KAZN: variants seen among roughly 807,000 people sequenced by gnomAD.
The protein encoded by KAZN is kazrin, periplakin interacting protein, also known as kazrin.
A neutral mutation model predicts 87.4 loss-of-function variants in KAZN; 40 were observed. The observed-to-expected ratio is 0.46, with a 90% confidence interval of 0.36 to 0.60. The LOEUF (loss-of-function observed/expected upper bound fraction) is 0.60. Ranked by LOEUF, KAZN falls within the 20% of genes least tolerant of loss-of-function variation. The pLI, the probability that KAZN is intolerant of heterozygous loss-of-function variation, is 0.00. For synonymous variants in KAZN, 466 were observed against 458.3 expected, an observed-to-expected ratio of 1.02 and a Z score of -0.22; for missense variants, 898 against 1,073.9, an observed-to-expected ratio of 0.84 and a Z score of 2.29.
At chr1:14,838,629 A>G (rs1000527435) in intron 1 of KAZN, among the ~76,000 whole-genome samples, 6 of 151,874 alleles carry the variant, frequency 4.0e-5, no homozygotes, top group Non-Finnish European at 7.4e-5. Flanking sequence ...TTTGTTTGTG[A>G]GGGGAAGGGG....
At chr1:14,738,118 C>T (rs577602940) in intron 1 of KAZN, among the ~76,000 whole-genome samples, 1 of 152,236 alleles carries the variant, frequency 6.6e-6, no homozygotes, top group South Asian at 2.1e-4. Context: ...AGGGGCTACC[C>T]TTTCTCCCTT....
intron 13 of KAZN, among the ~76,000 whole-genome samples, chr1:15,108,927 G>A (rs893003162): frequency 1.3e-5 from 2 of 152,164 alleles, no homozygotes; most frequent in Admixed American, 6.5e-5. Context: ...TTATGCCCTG[G>A]AGTTTTCGTG....
chr1:14,215,216 T>A (rs1646934909), intron 2 of KAZN, among the ~76,000 whole-genome samples: 1 of 152,248 alleles, frequency 6.6e-6, no homozygotes, highest in East Asian at 1.9e-4. Flanking sequence ...TTTTCTGTGT[T>A]TGACACCAAT....
Position 14,438,973 on chromosome 1 carries a change from G to A in KAZN, c.250-160010G>A, listed in dbSNP as rs191638870. Among the ~76,000 whole-genome samples the A allele has an allele frequency of 6.6e-5, 10 of 152,228 alleles. 1 individual carries two copies. Among genetic ancestry groups the A allele is most frequent in the African/African-American group, 2.4e-4 (10 of 41,526 alleles). Reference sequence around the variant, plus strand: ...CCTTAGCAAATTCACCCAGTCTTGGGTATTTATTGCGTCTCCATTCTAACA... The same window carrying A: ...CCTTAGCAAATTCACCCAGTCTTGGATATTTATTGCGTCTCCATTCTAACA... On this transcript the variant is annotated intron_variant, in intron 2 of 16. Transcript: ENST00000636203.
At chr1:15,043,927 C>T (rs572019915) in intron 3 of KAZN, 62 bp from the exon 4 acceptor site, 1 of 1,507,624 alleles carries the variant, frequency 6.6e-7, no homozygotes, top group Non-Finnish European at 8.9e-7. Flanking sequence ...CTCTAGGCAT[C>T]CCTGGGCCAG....
At chr1:14,631,261 C>T (rs139374482) in intron 1 of KAZN, among the ~76,000 whole-genome samples, 1,694 of 152,308 alleles carry the variant, frequency 0.011, 84 homozygotes, top group Admixed American at 0.085. Flanking sequence ...ATCTTGGCAT[C>T]ACAAGGTAGG....
chr1:14,855,895 T>A (rs146988282), intron 1 of KAZN, among the ~76,000 whole-genome samples: 1 of 152,206 alleles, frequency 6.6e-6, no homozygotes, highest in Non-Finnish European at 1.5e-5. Context: ...AGGAAGCCTG[T>A]TCTCCCCTTT....
At chr1:14,219,047 A>G (rs1647031899) in intron 2 of KAZN, among the ~76,000 whole-genome samples, 1 of 152,178 alleles carries the variant, frequency 6.6e-6, no homozygotes, top group African/African-American at 2.4e-5. Context: ...AGATGCAATC[A>G]GCAAAATCCA....
chr1:15,039,828 A>G (rs1209034256), intron 3 of KAZN, among the ~76,000 whole-genome samples: 1 of 152,208 alleles, frequency 6.6e-6, no homozygotes, highest in Non-Finnish European at 1.5e-5. Flanking sequence ...ACGCTACTCA[A>G]TAGAAGCCTT....
intron 2 of KAZN, among the ~76,000 whole-genome samples, chr1:14,205,761 C>T (rs1646726254): frequency 1.3e-5 from 2 of 151,596 alleles, no homozygotes; most frequent in Admixed American, 6.6e-5. Flanking sequence ...TGATGCATGC[C>T]TGTAATCCTA....
Position 14,087,188 on chromosome 1 carries a change from A to G in KAZN, c.92-93247A>G, listed in dbSNP as rs142995775. Reference sequence around the variant, plus strand: ...GTTTTCTCAGAAATGTTCTTCGTGTACAGGTCTTGCACTTAAAAAATTCTC... The same window carrying G: ...GTTTTCTCAGAAATGTTCTTCGTGTGCAGGTCTTGCACTTAAAAAATTCTC... On this transcript the variant is annotated intron_variant, in intron 1 of 16. Coordinates refer to the KAZN transcript ENST00000636203. Among the ~76,000 whole-genome samples, 992 of 152,290 alleles carry G rather than the reference A, an allele frequency of 6.5e-3. 10 individuals carry two copies. In the South Asian group the frequency reaches 0.066, roughly 10 times the overall value.
Position 14,913,949 on chromosome 1 carries a change from A to T in KAZN, c.227-46735A>T, listed in dbSNP as rs920296830. 2.0e-5 allele frequency among the ~76,000 whole-genome samples: 3 copies of T among 152,260 alleles called. No homozygotes were observed. The South Asian group carries it at 6.2e-4, about 32-fold the overall frequency. On this transcript the variant is annotated intron_variant, in intron 1 of 14. Coordinates refer to ENST00000376030, the MANE Select transcript of KAZN (RefSeq NM_201628.3). ...GTGCAGAAGACCTTCAGGATGGAGGAGGGGATGTTACATAATTCCGACACC... is the reference window on the plus strand; with the variant it reads ...GTGCAGAAGACCTTCAGGATGGAGGTGGGGATGTTACATAATTCCGACACC...
At chr1:14,113,405 T>C (rs10928013) in intron 1 of KAZN, among the ~76,000 whole-genome samples, 43,901 of 152,004 alleles carry the variant, frequency 0.29, 6,777 homozygotes, top group East Asian at 0.56. Context: ...TGTCTTTACA[T>C]AGGTCGTGAC....
At chr1:14,672,869 C>G (rs1011483456) in intron 1 of KAZN, among the ~76,000 whole-genome samples, 1 of 152,192 alleles carries the variant, frequency 6.6e-6, no homozygotes, top group Admixed American at 6.5e-5. Flanking sequence ...ATAGGGCTAC[C>G]ATAGCCTTCT....
intron 1 of KAZN, among the ~76,000 whole-genome samples, chr1:14,682,888 A>G (rs559983806): frequency 1.1e-3 from 174 of 152,300 alleles, no homozygotes; most frequent in African/African-American, 4.0e-3. Context: ...TGCCACTGGC[A>G]GCTCTTCTCT....
At chr1:14,512,773 T>A (rs1298791851) in intron 2 of KAZN, among the ~76,000 whole-genome samples, 1 of 150,536 alleles carries the variant, frequency 6.6e-6, no homozygotes, top group African/African-American at 2.5e-5. Context: ...GGAGATAAAG[T>A]CAAAGAGCAG....
At chr1:14,750,853 C>T (rs532982634) in intron 1 of KAZN, among the ~76,000 whole-genome samples, 3 of 152,262 alleles carry the variant, frequency 2.0e-5, no homozygotes, top group African/African-American at 7.2e-5. Context: ...CATCATGAGG[C>T]TATCACCAGA....
intron 1 of KAZN, among the ~76,000 whole-genome samples, chr1:14,057,721 T>C (rs1028440493): frequency 6.6e-6 from 1 of 152,244 alleles, no homozygotes; most frequent in Non-Finnish European, 1.5e-5. Context: ...TTCATCCTTA[T>C]GTCTGGAAAG....
chr1:14,848,168 G>A (rs1649002063), intron 1 of KAZN, among the ~76,000 whole-genome samples: 2 of 152,278 alleles, frequency 1.3e-5, no homozygotes, highest in African/African-American at 4.8e-5. Context: ...ACGTCTCTGA[G>A]CCTCTCCTCT....
Sources: gnomAD v4.1 joint callset for allele counts (sites outside exome capture counted in the v4.1 genomes callset) on GRCh38, gnomAD v4.1.1 for gene constraint, MANE v1.5 for transcripts, NCBI Gene and HGNC (gene_info 2026-07-23, HGNC 2026-07-21) for gene names.